Variants in SKOR2 observed in about 807,000 individuals in gnomAD.
The protein encoded by SKOR2 is SKI family transcriptional corepressor 2.
A neutral mutation model predicts 69.1 loss-of-function variants in SKOR2; 47 were observed. The observed-to-expected ratio is 0.68, with a 90% CI of 0.54 to 0.87. The LOEUF (loss-of-function observed/expected upper bound fraction) is 0.87. SKOR2 is among the 40% of genes least tolerant of loss of function. The pLI, the probability that SKOR2 is intolerant of heterozygous loss-of-function variation, is 0.00. For missense variants in SKOR2, 1,404 were observed against 1,472.2 expected (o/e 0.95, Z 0.76); for synonymous variants, 717 against 672.6 (o/e 1.07, Z -1.02).
At chr18:47,229,600 G>A (rs985448013) in intron 6 of SKOR2, among the ~76,000 whole-genome samples, 29 of 152,118 alleles carry the variant, frequency 1.9e-4, no homozygotes, top group Admixed American at 1.4e-3. Flanking sequence ...GTTGCAGTGA[G>A]CTGAGATTGT....
intron 7 of SKOR2, among the ~76,000 whole-genome samples, chr18:47,216,635 C>A (rs555003743): frequency 6.6e-6 from 1 of 152,220 alleles, no homozygotes; most frequent in East Asian, 1.9e-4. Flanking sequence ...CTTTCTATGG[C>A]AATGATACCC....
At position 47,231,843 on chromosome 18, in the gene SKOR2, CAA is replaced by C. The variant is rs11342275; in HGVS notation, c.2753-845_2753-844del. ...GGGCAACAAGAGCGAAACTCCATCT[CAA>C]AAAAAAAAAAAAAATCAACTTAAAG... On this transcript the variant is annotated intron_variant, in intron 4 of 8. Coordinates refer to ENST00000425639, the MANE Select transcript of SKOR2 (RefSeq NM_001278063.4). 9.0e-3 allele frequency among the ~76,000 whole-genome samples: 1,182 copies of C among 130,862 alleles called. 9 individuals are homozygous for C. Among genetic ancestry groups the C allele is most frequent in the African/African-American group, 0.03 (1,011 of 34,024 alleles). 85.9% of individuals were successfully genotyped at this position (130,862 alleles called of 152,430 possible).
At chr18:47,238,502 T>A (rs1052789255) in intron 4 of SKOR2, among the ~76,000 whole-genome samples, 2 of 151,878 alleles carry the variant, frequency 1.3e-5, no homozygotes, top group African/African-American at 4.8e-5. Flanking sequence ...TTTGTATTTT[T>A]AATATAGACA....
chr18:47,226,024 G>C (rs1434793118), intron 6 of SKOR2, among the ~76,000 whole-genome samples: 3 of 152,158 alleles, frequency 2.0e-5, no homozygotes, highest in Non-Finnish European at 2.9e-5. Context: ...AGAAAGGGCT[G>C]GAGTGGAGAA....
At chr18:47,231,938 C>T (rs758059875) in intron 4 of SKOR2, among the ~76,000 whole-genome samples, 2 of 151,228 alleles carry the variant, frequency 1.3e-5, no homozygotes, top group Non-Finnish European at 2.9e-5. Flanking sequence ...GCCAGGAGTT[C>T]GAGACCAACC....
intron 7 of SKOR2, among the ~76,000 whole-genome samples, chr18:47,215,164 G>A (rs2064140033): frequency 6.6e-6 from 1 of 152,088 alleles, no homozygotes; most frequent in South Asian, 2.1e-4. Context: ...AATTGGAAAT[G>A]GACACACAGT....
rs1264713962 is a variant in SKOR2 at position 47,251,595 on chromosome 18, G to A, written c.-269C>T. On this transcript the variant is annotated 5_prime_UTR_variant, in exon 1 of 9. Coordinates refer to ENST00000425639, the MANE Select transcript of SKOR2 (RefSeq NM_001278063.4). ...GGGCGTCCCCTCCACCGCAGAAAGT[G>A]TGGGTACGCAGAAACCCGCGGCAGG... 1.3e-5 allele frequency: 2 copies of A among 152,242 alleles called. No homozygotes were observed. Among genetic ancestry groups the A allele is most frequent in the African/African-American group, 4.8e-5 (2 of 41,450 alleles). 9.4% of individuals were successfully genotyped at this position (152,242 alleles called of 1,614,324 possible).
At chr18:47,244,472 T>G (rs1160541075) in intron 4 of SKOR2, among the ~76,000 whole-genome samples, 2 of 152,234 alleles carry the variant, frequency 1.3e-5, no homozygotes, top group East Asian at 3.8e-4. Flanking sequence ...ATTTAATTTG[T>G]ATAATGTAAT....
intron 3 of SKOR2, 116 bp from the exon 4 acceptor site, chr18:47,245,098 A>G: frequency 1.3e-6 from 1 of 791,816 alleles, no homozygotes; most frequent in African/African-American, 1.8e-5. Context: ...TAAGTTTGAG[A>G]GCTATTAACT....
chr18:47,248,902 G>T lies in SKOR2; in HGVS notation c.282C>A (p.Cys94Ter). ...GCAGGATCTCCAGTTGCACCGGCGT[G>T]CACTGCACACACGTGATGCCCAGTG... ...RVALGITCVQ[C>*]TPVQLEILRR... Residue 94 changes from cysteine (C) to a stop codon, truncating the protein, a stop_gained, in exon 2 of 9, where the codon TGC becomes TGA. Coordinates refer to ENST00000425639, the MANE Select transcript of SKOR2 (RefSeq NM_001278063.4). LOFTEE classifies it high-confidence loss of function. This position sits in a 1 kb window ranked among gnomAD's most constrained non-coding sequence, Gnocchi z 6.4. 6.4e-7 allele frequency: 1 copy of T among 1,570,038 alleles called. No homozygotes were observed. The highest frequency in any genetic ancestry group is 8.6e-7 in the Non-Finnish European group (1 of 1,165,308).
chr18:47,247,369 C>T lies in SKOR2; in HGVS notation c.1815G>A (p.Pro605=). Residue 605 remains proline (P), a synonymous_variant, in exon 2 of 9, where the codon CCG becomes CCA. Coordinates refer to ENST00000425639, the MANE Select transcript of SKOR2 (RefSeq NM_001278063.4). The surrounding 1 kb of genome is among the most constrained non-coding windows in gnomAD (Gnocchi z 6.6). ...CCGCTTTGCGCCCCTCCAGAAGGTG[C>T]GGATGGTGGGGCGCCGGAACCCGGG... ...AGSRVPAPHH[P]HLLEGRKAGG... The T allele has an allele frequency of 7.0e-7, 1 of 1,430,722 alleles. No individual in the cohort carries two copies. The highest frequency in any genetic ancestry group is 9.1e-7 in the Non-Finnish European group (1 of 1,094,696). The allele number at this position is 1,430,722 out of a possible 1,614,324, so 88.6% of individuals were successfully genotyped here. A position where few individuals can be genotyped will look rare whatever the true frequency, so the allele number is the denominator to read the frequency against.
intron 8 of SKOR2, among the ~76,000 whole-genome samples, chr18:47,208,193 A>C (rs1019210164): frequency 6.6e-6 from 1 of 152,190 alleles, no homozygotes; most frequent in African/African-American, 2.4e-5. Flanking sequence ...CTAAGGACCC[A>C]AGGAAGACAG....
intron 2 of SKOR2, 86 bp downstream of exon 2, chr18:47,246,485 T>G: frequency 7.2e-7 from 1 of 1,380,444 alleles, no homozygotes; most frequent in African/African-American, 1.5e-5. Flanking sequence ...GTGATTCATC[T>G]TTCCTGCGCA....
intron 4 of SKOR2, among the ~76,000 whole-genome samples, chr18:47,242,529 T>C (rs1424239877): frequency 6.6e-6 from 1 of 152,120 alleles, no homozygotes; most frequent in Non-Finnish European, 1.5e-5. Context: ...AATTATCCCA[T>C]AATTTTGTAT....
intron 7 of SKOR2, among the ~76,000 whole-genome samples, chr18:47,213,500 A>G (rs986829428): frequency 2.6e-5 from 4 of 151,234 alleles, no homozygotes; most frequent in Admixed American, 2.6e-4. Flanking sequence ...ATTATTAATG[A>G]GAAAGAGTTA....
At chr18:47,223,280 G>GA (rs1251187891) in intron 6 of SKOR2, among the ~76,000 whole-genome samples, 2 of 152,042 alleles carry the variant, frequency 1.3e-5, no homozygotes, top group Non-Finnish European at 2.9e-5. Flanking sequence ...CTAGACACAT[G>GA]AAAAATGTTC....
intron 7 of SKOR2, among the ~76,000 whole-genome samples, chr18:47,215,026 A>G (rs1156844403): frequency 1.3e-5 from 2 of 151,898 alleles, no homozygotes; most frequent in African/African-American, 2.4e-5. Context: ...AGTTTGTGCC[A>G]AAAGAGTTAA....
intron 6 of SKOR2, among the ~76,000 whole-genome samples, chr18:47,228,503 T>C (rs915570398): frequency 1.3e-5 from 2 of 152,216 alleles, no homozygotes; most frequent in Admixed American, 1.3e-4. Context: ...TTCCTTAGAA[T>C]GAATATGAAT....
chr18:47,248,877 G>GCAGGATCTCCAGTTGCAC lies in SKOR2; in HGVS notation c.289_306dup (p.Val97_Leu102dup). 1 of 1,566,746 alleles carries GCAGGATCTCCAGTTGCAC rather than the reference G, an allele frequency of 6.4e-7. No individual in the cohort carries two copies. On this transcript the variant is annotated inframe_insertion, in exon 2 of 9. Transcript: ENST00000425639. The surrounding 1 kb of genome is among the most constrained non-coding windows in gnomAD (Gnocchi z 6.4). ...GAGATGGGCATGGCCCCGGCACGCC[G>GCAGGATCTCCAGTTGCAC]CAGGATCTCCAGTTGCACCGGCGTG...
Sources: allele counts gnomAD v4.1 joint callset (sites outside exome capture counted in the v4.1 genomes callset), GRCh38; gene constraint gnomAD v4.1.1; non-coding constraint Gnocchi (gnomAD v3.1); transcripts MANE v1.5; gene names NCBI Gene and HGNC (gene_info 2026-07-23, HGNC 2026-07-21).